Variants in UBASH3B observed in about 807,000 individuals in gnomAD.
UBASH3B encodes ubiquitin associated and SH3 domain containing B, also known as ubiquitin-associated and SH3 domain-containing protein B.
Under a neutral mutation model 83.4 loss-of-function variants are expected in UBASH3B, and 37 were observed. The observed-to-expected ratio is 0.44, with a 90% CI of 0.34 to 0.58. UBASH3B has a LOEUF of 0.58. UBASH3B is among the 20% of genes least tolerant of loss of function. The pLI, the probability that UBASH3B is intolerant of heterozygous loss-of-function variation, is 0.01. For missense variants in UBASH3B, 657 were observed against 827.2 expected, an observed-to-expected ratio of 0.79 and a Z score of 2.52; for synonymous variants, 304 against 318.3, an observed-to-expected ratio of 0.96 and a Z score of 0.48.
At chr11:122,681,082 A>T (rs552932873) in intron 1 of UBASH3B, among the ~76,000 whole-genome samples, 1 of 152,316 alleles carries the variant, frequency 6.6e-6, no homozygotes, top group South Asian at 2.1e-4. Flanking sequence ...ATAACAAATG[A>T]AGTTTCGCTA....
At chr11:122,784,962 G>T (rs919923427) in intron 5 of UBASH3B, among the ~76,000 whole-genome samples, 29 of 152,116 alleles carry the variant, frequency 1.9e-4, no homozygotes, top group Non-Finnish European at 4.1e-4. Context: ...AGGTGTGACT[G>T]GTTGGACTCC....
intron 1 of UBASH3B, among the ~76,000 whole-genome samples, chr11:122,659,588 G>T (rs180708025): frequency 6.6e-6 from 1 of 152,336 alleles, no homozygotes; most frequent in African/African-American, 2.4e-5. Context: ...TGAGAAGAAA[G>T]AGCAAGGGCA....
rs532385319 is a variant in UBASH3B at position 122,778,348 on chromosome 11, C to T, written c.402+1138C>T. On this transcript the variant is annotated intron_variant, in intron 3 of 13. Transcript: ENST00000284273. ...TCAAAACCCTTCAGAGTTTGAGAGA[C>T]GTTCATTCTTTTTTCCAATGCTCTC... is the stretch of plus-strand genomic sequence containing the variant. 1.1e-3 allele frequency among the ~76,000 whole-genome samples: 165 copies of T among 152,198 alleles called. 1 individual carries two copies. The highest frequency in any genetic ancestry group is 3.7e-3 in the African/African-American group (152 of 41,522).
In UBASH3B at chr11:122,810,010, T is replaced by C; in HGVS notation, c.*124T>C. Reference sequence around the variant, plus strand: ...TCAGAATAATTTAGCATATTTCCTTTCACACTTAAAGTTCTTAAGATGAGA... The same window carrying C: ...TCAGAATAATTTAGCATATTTCCTTCCACACTTAAAGTTCTTAAGATGAGA... On this transcript the variant is annotated 3_prime_UTR_variant, in exon 14 of 14. Transcript: ENST00000284273. 2.4e-6 allele frequency: 3 copies of C among 1,230,474 alleles called. No homozygotes were observed. The highest frequency in any genetic ancestry group is 3.4e-6 in the Non-Finnish European group (3 of 892,416). 76.2% of individuals were successfully genotyped at this position (1,230,474 alleles called of 1,614,324 possible). A position where few individuals can be genotyped will look rare whatever the true frequency, so the allele number is the denominator to read the frequency against.
At chr11:122,734,122 G>A (rs897021623) in intron 1 of UBASH3B, among the ~76,000 whole-genome samples, 1 of 152,154 alleles carries the variant, frequency 6.6e-6, no homozygotes, top group Admixed American at 6.5e-5. Context: ...CCTGACTTCA[G>A]GTGATCTGCC....
chr11:122,670,843 A>G (rs1863584812), intron 1 of UBASH3B, among the ~76,000 whole-genome samples: 1 of 151,634 alleles, frequency 6.6e-6, no homozygotes, highest in African/African-American at 2.4e-5. Flanking sequence ...GCTCTCTGCA[A>G]TCTCCGCCTC....
intron 1 of UBASH3B, among the ~76,000 whole-genome samples, chr11:122,657,628 T>C (rs541057953): frequency 6.6e-6 from 1 of 152,280 alleles, no homozygotes; most frequent in Admixed American, 6.5e-5. Flanking sequence ...CTCTACTAAC[T>C]TGGTTGTAAT....
intron 1 of UBASH3B, among the ~76,000 whole-genome samples, chr11:122,733,545 T>C (rs919614590): frequency 1.3e-5 from 2 of 152,180 alleles, no homozygotes; most frequent in Admixed American, 1.3e-4. Context: ...TTCAACATGT[T>C]TAGCTTTTGT....
At chr11:122,762,092 G>A (rs190891271) in intron 1 of UBASH3B, among the ~76,000 whole-genome samples, 45 of 151,972 alleles carry the variant, frequency 3.0e-4, no homozygotes, top group African/African-American at 9.7e-4. Context: ...GCGCCTGGCC[G>A]GTTTTCGCCA....
chr11:122,666,424 TGTTTTTC>T (rs1329661495), intron 1 of UBASH3B, among the ~76,000 whole-genome samples: 1 of 151,908 alleles, frequency 6.6e-6, no homozygotes, highest in African/African-American at 2.4e-5. Flanking sequence ...TTTTTTGTTT[TGTTTTTC>T]GTTTTGAGAC....
intron 7 of UBASH3B, among the ~76,000 whole-genome samples, chr11:122,795,746 A>G (rs1247047268): frequency 6.6e-6 from 1 of 152,228 alleles, no homozygotes; most frequent in Non-Finnish European, 1.5e-5. Flanking sequence ...TTGTGATCAC[A>G]GAAGTCCTCA....
In UBASH3B at chr11:122,813,033, T is replaced by A. The variant is rs1340777217; in HGVS notation, c.*3147T>A. 1 of 152,676 alleles carries A rather than the reference T, an allele frequency of 6.5e-6. No homozygotes were observed. Among genetic ancestry groups the A allele is most frequent in the Non-Finnish European group, 1.5e-5 (1 of 68,042 alleles). The allele number at this position is 152,676 out of a possible 1,614,324, so 9.5% of individuals were successfully genotyped here. Reference sequence around the variant, plus strand: ...AAGGCTTGGAGGAGTTTCTACTTTTTATTTTAATTATACTTTAACCAAAGA... The same window carrying A: ...AAGGCTTGGAGGAGTTTCTACTTTTAATTTTAATTATACTTTAACCAAAGA... On this transcript the variant is annotated 3_prime_UTR_variant, in exon 14 of 14. Transcript: ENST00000284273.
intron 1 of UBASH3B, among the ~76,000 whole-genome samples, chr11:122,660,290 G>A (rs141012327): frequency 5.7e-4 from 87 of 152,280 alleles, no homozygotes; most frequent in African/African-American, 1.8e-3. Flanking sequence ...GTGTGCGCTC[G>A]TGTGCAAGTC....
intron 1 of UBASH3B, among the ~76,000 whole-genome samples, chr11:122,729,850 G>T (rs547334959): frequency 6.9e-6 from 1 of 143,964 alleles, no homozygotes; most frequent in Non-Finnish European, 1.5e-5. Context: ...AGTTAGCTTC[G>T]TACCTGAGGT....
At chr11:122,803,959 G>A (rs1250494201) in intron 11 of UBASH3B, among the ~76,000 whole-genome samples, 2 of 152,050 alleles carry the variant, frequency 1.3e-5, no homozygotes, top group Non-Finnish European at 2.9e-5. Flanking sequence ...CTCAGGCCAA[G>A]CCCATCAGGA....
In UBASH3B at chr11:122,683,766, TGTGTGTGTGTGA is replaced by T. The variant is rs1403319704; in HGVS notation, c.161+27558_161+27569del. 2.5e-3 allele frequency among the ~76,000 whole-genome samples: 212 copies of T among 85,722 alleles called. 1 individual carries two copies. Among genetic ancestry groups the T allele is most frequent in the South Asian group, 5.1e-3 (12 of 2,352 alleles). 56.2% of individuals were successfully genotyped at this position (85,722 alleles called of 152,430 possible). A position where few individuals can be genotyped will look rare whatever the true frequency, so the allele number is the denominator to read the frequency against. ...AATTGTGTGTGTGTGTGTGTGTGTG[TGTGTGTGTGTGA>T]GCCAGGTTTCAAATAAGATCTATAC... On this transcript the variant is annotated intron_variant, in intron 1 of 13. Coordinates refer to ENST00000284273, the MANE Select transcript of UBASH3B (RefSeq NM_032873.5).
At chr11:122,690,167 CATATAT>C (rs57203901) in intron 1 of UBASH3B, among the ~76,000 whole-genome samples, 2,596 of 43,458 alleles carry the variant, frequency 0.06, 123 homozygotes, top group Middle Eastern at 0.095. Flanking sequence ...GGCAGGAAAA[CATATAT>C]ATATATATAT....
At chr11:122,662,432 CT>C (rs1555130806) in intron 1 of UBASH3B, among the ~76,000 whole-genome samples, 113 of 138,646 alleles carry the variant, frequency 8.2e-4, no homozygotes, top group Admixed American at 9.3e-4. Context: ...CTTTTCTTTT[CT>C]TTTTTTTTTT....
intron 1 of UBASH3B, chr11:122,709,416 G>C (rs1043441058): frequency 6.6e-6 from 1 of 152,216 alleles, no homozygotes; most frequent in African/African-American, 2.4e-5. Flanking sequence ...TGGGGGAAAA[G>C]CTGAGATTTC....
Sources: gnomAD v4.1 joint callset for allele counts (sites outside exome capture counted in the v4.1 genomes callset) on GRCh38, gnomAD v4.1.1 for gene constraint, MANE v1.5 for transcripts, NCBI Gene and HGNC (gene_info 2026-07-23, HGNC 2026-07-21) for gene names.